The following CEP170B variants were observed in gnomAD, a reference collection of about 807,000 sequenced individuals.
The protein encoded by CEP170B is centrosomal protein of 170 kDa protein B.
Under a neutral mutation model 120.6 loss-of-function variants are expected in CEP170B, and 55 were observed. That is an observed-to-expected ratio of 0.46 (90% CI 0.37 to 0.57). CEP170B has a LOEUF of 0.57. Among genes scored for constraint, CEP170B ranks in the 20% least tolerant of loss-of-function variants. CEP170B has a pLI of 0.00. For synonymous variants in CEP170B, 1,033 were observed against 954.5 expected (o/e 1.08, Z -1.52); for missense variants, 2,212 against 2,253.3 (o/e 0.98, Z 0.37).
chr14:104,886,954 C>T lies in CEP170B; in HGVS notation c.2715C>T (p.Phe905=). 6.2e-7 allele frequency: 1 copy of T among 1,608,784 alleles called. No individual in the cohort carries two copies. Among genetic ancestry groups the T allele is most frequent in the Non-Finnish European group, 8.5e-7 (1 of 1,179,802 alleles). ...LAATRAARMD[F]HSQDTHLILK... The stretch of plus-strand genomic sequence containing the variant: ...CTACCCGGGCCGCACGCATGGACTT[C>T]CACTCCCAGGACACCCACCTGATCT... Residue 905 remains phenylalanine, a synonymous_variant, in exon 12 of 19, where the codon TTC becomes TTT. Transcript: ENST00000414716.
intron 5 of CEP170B, among the ~76,000 whole-genome samples, chr14:104,879,038 C>T (rs1393655685): frequency 6.6e-6 from 1 of 152,134 alleles, no homozygotes; most frequent in African/African-American, 2.4e-5. Context: ...GGTATAGAGC[C>T]CCTGAGCCCC....
rs1895260084 is a variant in CEP170B, at chr14:104,867,508, A to T, written c.-27-916A>T. On this transcript the variant is annotated intron_variant, in intron 1 of 18. Transcript: ENST00000414716. This position sits in a 1 kb window ranked among gnomAD's most constrained non-coding sequence, Gnocchi z 5.4. ...TAGCCCAGGCCGCCTAGCCCATAGC[A>T]GCACTCAGGATGTGCTGGGCAGTGG... Among the ~76,000 whole-genome samples, 1 of 152,146 alleles carries T rather than the reference A, an allele frequency of 6.6e-6. No individual in the cohort carries two copies. Among genetic ancestry groups the T allele is most frequent in the Non-Finnish European group, 1.5e-5 (1 of 68,022 alleles).
chr14:104,872,364 T>C (rs1454533688), intron 2 of CEP170B, among the ~76,000 whole-genome samples: 73 of 64,582 alleles, frequency 1.1e-3, no homozygotes, highest in East Asian at 0.01. Flanking sequence ...GTGTGCCGCG[T>C]GTGTGTGCCA....
rs1896543776 is a variant in CEP170B at position 104,886,812 on chromosome 14, G to T, written c.2573G>T (p.Gly858Val). 4 of 1,611,326 alleles carry T rather than the reference G, an allele frequency of 2.5e-6. 1 individual carries two copies. Among genetic ancestry groups the T allele is most frequent in the East Asian group, 4.5e-5 (2 of 44,876 alleles). Residue 858 changes from glycine (G) to valine (V), a missense_variant, in exon 12 of 19, where the codon GGC (glycine) becomes GTC (valine). This residue lies in a region of CEP170B where 2,166 missense variants were observed against 2,166.7 expected (regional missense o/e 1.00). Coordinates refer to ENST00000414716, the MANE Select transcript of CEP170B (RefSeq NM_001112726.3). ...LRPGRSPEPDGPAPAFLRQES... is the reference protein window; with the variant it reads ...LRPGRSPEPDVPAPAFLRQES... ...CCTGGACGGTCCCCAGAACCCGACG[G>T]CCCTGCCCCAGCCTTTCTCCGGCAA...
In CEP170B at chr14:104,881,267, GC is replaced by G. The variant is rs1216293154; in HGVS notation, c.472+844del. Among the ~76,000 whole-genome samples, 3 of 152,078 alleles carry G rather than the reference GC, an allele frequency of 2.0e-5. No individual in the cohort carries two copies. The South Asian group carries it at 6.2e-4, about 32-fold the overall frequency. On this transcript the variant is annotated intron_variant, in intron 6 of 18. Transcript: ENST00000414716. ...AGGGAAGGAGCGAGAGTGAGAAAGT[GC>G]CTGGTGGGGTGTGGAGGGGTCGGGG...
intron 2 of CEP170B, among the ~76,000 whole-genome samples, chr14:104,869,405 C>A (rs1595305765): frequency 6.6e-6 from 1 of 152,204 alleles, no homozygotes; most frequent in East Asian, 1.9e-4. Context: ...CGTGCTACTG[C>A]CGCACATGCC....
Position 104,883,085 on chromosome 14 carries a change from G to T in CEP170B, c.628G>T (p.Ala210Ser). 6.4e-7 allele frequency: 1 copy of T among 1,568,768 alleles called. No homozygotes were observed. The change falls in exon 8 of 19, where the codon GCC (alanine) becomes TCC (serine). Residue 210 changes from alanine (A) to serine (S), a missense_variant. This residue lies in a region of CEP170B where 2,166 missense variants were observed against 2,166.7 expected (regional missense o/e 1.00). Coordinates refer to ENST00000414716, the MANE Select transcript of CEP170B (RefSeq NM_001112726.3). ...QQDGELHGFR[A>S]PAEPQGCSFR... ...GGACGGGGAGCTCCACGGCTTCCGC[G>T]CCCCTGCTGAGCCTCAGGGCTGCTC...
Position 104,870,699 on chromosome 14 carries a change from A to G in CEP170B, c.105+2144A>G, listed in dbSNP as rs575185879. On this transcript the variant is annotated intron_variant, in intron 2 of 18. Coordinates refer to ENST00000414716, the MANE Select transcript of CEP170B (RefSeq NM_001112726.3). This position sits in a 1 kb window ranked among gnomAD's most constrained non-coding sequence, Gnocchi z 4.1. ...TTGGGGTCCGATTCCGAGTTTCTGC[A>G]CCTGTCAGTGGAGCCCTGAGCAGGT... 7.9e-5 allele frequency among the ~76,000 whole-genome samples: 12 copies of G among 152,220 alleles called. No individual in the cohort carries two copies. The South Asian group carries it at 1.2e-3, about 16-fold the overall frequency.
Position 104,896,598 on chromosome 14 carries a change from C to T in CEP170B, c.*1640C>T, listed in dbSNP as rs1290659153. The T allele has an allele frequency of 4.4e-6, 2 of 456,074 alleles. No homozygotes were observed. The highest frequency in any genetic ancestry group is 8.8e-6 in the Non-Finnish European group (2 of 226,952). The allele number at this position is 456,074 out of a possible 1,614,324, so 28.3% of individuals were successfully genotyped here. On this transcript the variant is annotated 3_prime_UTR_variant, in exon 19 of 19. Coordinates refer to ENST00000414716, the MANE Select transcript of CEP170B (RefSeq NM_001112726.3). ...TTGTTCCTCCCCCTCCAGCCTTTGC[C>T]TGGGAACTGGTCCTTGTTTGCCGGG... is the stretch of plus-strand genomic sequence containing the variant.
In CEP170B at chr14:104,895,748, A is replaced by G. The variant is rs1171797856; in HGVS notation, c.*790A>G. On this transcript the variant is annotated 3_prime_UTR_variant, in exon 19 of 19. Transcript: ENST00000414716. ...GCAGGGCATGTCCCCGTGAGGGGCT[A>G]TGGGCCTCTGTAGGTGGGCTTCCAA... is the stretch of plus-strand genomic sequence containing the variant. 1 of 152,626 alleles carries G rather than the reference A, an allele frequency of 6.6e-6. No individual in the cohort carries two copies. Among genetic ancestry groups the G allele is most frequent in the Non-Finnish European group, 1.5e-5 (1 of 68,200 alleles). 9.5% of individuals were successfully genotyped at this position (152,626 alleles called of 1,614,324 possible).
rs867273753 is a variant in CEP170B, at chr14:104,884,374, C to T, written c.1595C>T (p.Pro532Leu). The change falls in exon 9 of 19, where the codon CCC becomes CTC. Residue 532 changes from proline (P) to leucine (L), a missense_variant. Physicochemically the swap from Pro to Leu is moderately conservative, Grantham distance 98. Transcript: ENST00000414716. ...VPPVLPAPLTPHGTSPVGPPT... is the reference protein window; with the variant it reads ...VPPVLPAPLTLHGTSPVGPPT... ...CCGGTGCTGCCCGCTCCCCTGACAC[C>T]CCATGGGACCAGCCCCGTGGGCCCC... 6.5e-7 allele frequency: 1 copy of T among 1,546,950 alleles called. No individual in the cohort carries two copies.
In CEP170B at chr14:104,896,506, C is replaced by T. The variant is rs1380230760; in HGVS notation, c.*1548C>T. 1 of 449,700 alleles carries T rather than the reference C, an allele frequency of 2.2e-6. No individual in the cohort carries two copies. The highest frequency in any genetic ancestry group is 1.6e-5 in the South Asian group (1 of 64,398). The allele number at this position is 449,700 out of a possible 1,614,324, so 27.9% of individuals were successfully genotyped here. A position where few individuals can be genotyped will look rare whatever the true frequency, so the allele number is the denominator to read the frequency against. On this transcript the variant is annotated 3_prime_UTR_variant, in exon 19 of 19. Coordinates refer to ENST00000414716, the MANE Select transcript of CEP170B (RefSeq NM_001112726.3). ...ACGCTTCATCCACGGCTCCTTCCCA[C>T]CCCTCGGCAGTGGCTGTGCAATGTT...
chr14:104,887,009 C>A lies in CEP170B; in HGVS notation c.2770C>A (p.Leu924Met). ...GGAGACGGAGACGGCCCTGGCGGCCCTGGAGGCCCGACTCCTCTCTAATTC... is the reference window on the plus strand; with the variant it reads ...GGAGACGGAGACGGCCCTGGCGGCCATGGAGGCCCGACTCCTCTCTAATTC... ...LKETETALAA[L>M]EARLLSNSVD... Residue 924 changes from leucine to methionine, a missense_variant, in exon 12 of 19, where the codon CTG (leucine) becomes ATG (methionine). Coordinates refer to ENST00000414716, the MANE Select transcript of CEP170B (RefSeq NM_001112726.3). 1 of 1,610,250 alleles carries A rather than the reference C, an allele frequency of 6.2e-7. No homozygotes were observed.
At chr14:104,871,933 G>A (rs1201716891) in intron 2 of CEP170B, among the ~76,000 whole-genome samples, 3 of 152,216 alleles carry the variant, frequency 2.0e-5, no homozygotes, top group East Asian at 1.9e-4. Context: ...GCTGTCCCAC[G>A]GACCACGCTG....
chr14:104,864,757 G>C (rs1895100532), upstream of CEP170B, among the ~76,000 whole-genome samples: 1 of 152,184 alleles, frequency 6.6e-6, no homozygotes. This position sits in a 1 kb window ranked among gnomAD's most constrained non-coding sequence, Gnocchi z 5.9. Context: ...ATCTGGGAGC[G>C]GCCTCTGGAA....
rs1228617642 is a variant in CEP170B at position 104,877,865 on chromosome 14, C to G, written c.196-20C>G. On this transcript the variant is annotated intron_variant, in intron 3 of 18. Transcript: ENST00000414716. The stretch of plus-strand genomic sequence containing the variant: ...ACCCGCGCAGCTCCCCCCCCCCCCC[C>G]GCCACCTGTTTTCCTGCAGACGTTT... 1.0e-5 allele frequency: 12 copies of G among 1,169,468 alleles called. No individual in the cohort carries two copies. The highest frequency in any genetic ancestry group is 2.4e-5 in the Admixed American group (1 of 41,204). 72.4% of individuals were successfully genotyped at this position (1,169,468 alleles called of 1,614,324 possible). A position where few individuals can be genotyped will look rare whatever the true frequency, so the allele number is the denominator to read the frequency against.
chr14:104,893,578 C>T lies in CEP170B; in HGVS notation c.4094C>T (p.Ser1365Leu), dbSNP rs766008007. ...AACTTCCAGAAGGTGCCGCCCGGCT[C>T]GCTGAACTCTCGGGACTTTGACCAG... ...SLNFQKVPPG[S>L]LNSRDFDQNM... Residue 1365 changes from serine to leucine, a missense_variant, in exon 15 of 19, where the codon TCG (serine) becomes TTG (leucine). By Grantham distance (145) the Ser-to-Leu change is moderately radical. Coordinates refer to ENST00000414716, the MANE Select transcript of CEP170B (RefSeq NM_001112726.3). 31 of 1,604,594 alleles carry T rather than the reference C, an allele frequency of 1.9e-5. No homozygotes were observed. Among genetic ancestry groups the T allele is most frequent in the Admixed American group, 1.4e-4 (8 of 59,048 alleles).
intron 2 of CEP170B, among the ~76,000 whole-genome samples, chr14:104,875,938 C>T (rs1377148202): frequency 6.6e-6 from 1 of 152,198 alleles, no homozygotes; most frequent in East Asian, 1.9e-4. Context: ...GCCTGGCTGC[C>T]GCCACCTGAC....
chr14:104,875,206 C>G (rs976012001), intron 2 of CEP170B, among the ~76,000 whole-genome samples: 2 of 152,234 alleles, frequency 1.3e-5, no homozygotes, highest in African/African-American at 4.8e-5. Flanking sequence ...GGAGGGACTT[C>G]CAGCTCCTAG....
Sources: allele counts gnomAD v4.1 joint callset (sites outside exome capture counted in the v4.1 genomes callset), GRCh38; gene constraint gnomAD v4.1.1; regional missense constraint gnomAD v4.1.1; non-coding constraint Gnocchi (gnomAD v3.1); transcripts MANE v1.5; gene names NCBI Gene and HGNC (gene_info 2026-07-23, HGNC 2026-07-21).